Variants in PKIA observed in about 807,000 individuals in gnomAD.
PKIA encodes the protein PKI-alpha.
In PKIA, 4 loss-of-function variants were observed where a neutral mutation model predicts 7.6. The ratio of observed to expected loss-of-function variants is 0.52; its 90% confidence interval spans 0.26 to 1.20. The LOEUF (loss-of-function observed/expected upper bound fraction) is 1.20. Ranked by LOEUF, PKIA falls within the 50% of genes most tolerant of loss-of-function variation. The pLI is 0.13. For missense variants in PKIA, 73 were observed against 86.2 expected (o/e 0.85, Z 0.61); for synonymous variants, 21 against 30.7 (o/e 0.68, Z 1.04).
chr8:78,558,246 A>C (rs886142354), intron 1 of PKIA, among the ~76,000 whole-genome samples: 5 of 152,182 alleles, frequency 3.3e-5, no homozygotes, highest in African/African-American at 9.7e-5. Context: ...AGGCATAGAG[A>C]GGTCCAAGTA....
intron 3 of PKIA, among the ~76,000 whole-genome samples, chr8:78,599,703 C>A (rs1808309932): frequency 6.6e-6 from 1 of 151,948 alleles, no homozygotes; most frequent in Admixed American, 6.6e-5. Flanking sequence ...GGGAATTATT[C>A]CAATTTCATA....
intron 1 of PKIA, among the ~76,000 whole-genome samples, chr8:78,530,115 T>C (rs1806357064): frequency 6.6e-6 from 1 of 152,056 alleles, no homozygotes; most frequent in Admixed American, 6.6e-5. Context: ...ATTATATTTT[T>C]AAATTATCAC....
intron 1 of PKIA, among the ~76,000 whole-genome samples, chr8:78,545,853 A>C (rs931957472): frequency 6.6e-6 from 1 of 152,172 alleles, no homozygotes; most frequent in African/African-American, 2.4e-5. Context: ...TTCCTTGGAA[A>C]GGGCATGTTT....
intron 1 of PKIA, among the ~76,000 whole-genome samples, chr8:78,560,577 T>C (rs997697856): frequency 2.0e-5 from 3 of 152,196 alleles, no homozygotes; most frequent in African/African-American, 7.2e-5. Flanking sequence ...TGAATATTAC[T>C]AATATTGGGA....
chr8:78,589,034 C>T (rs1047984204), intron 2 of PKIA, among the ~76,000 whole-genome samples: 1 of 151,982 alleles, frequency 6.6e-6, no homozygotes, highest in Non-Finnish European at 1.5e-5. Context: ...ATTGTAACTC[C>T]AGAAGCAAGA....
chr8:78,519,179 T>TA (rs368638245), intron 1 of PKIA, among the ~76,000 whole-genome samples: 8,309 of 134,912 alleles, frequency 0.062, 617 homozygotes, highest in African/African-American at 0.18. Flanking sequence ...TCCAATTGTG[T>TA]AAAAAAAAAA....
In PKIA at chr8:78,552,799, G is replaced by C. The variant is rs186388795; in HGVS notation, c.-156-20012G>C. Among the ~76,000 whole-genome samples, 460 of 151,940 alleles carry C rather than the reference G, an allele frequency of 3.0e-3. 1 individual carries two copies. Among genetic ancestry groups the C allele is most frequent in the Non-Finnish European group, 4.8e-3 (324 of 67,858 alleles). ...CATAGAATAAATAATGATACTTTTAGTCTTTATATAATTTAAGGCACTTAA... is the reference window on the plus strand; with the variant it reads ...CATAGAATAAATAATGATACTTTTACTCTTTATATAATTTAAGGCACTTAA... On this transcript the variant is annotated intron_variant, in intron 1 of 3. Coordinates refer to ENST00000396418, the MANE Select transcript of PKIA (RefSeq NM_006823.4).
At chr8:78,583,202 T>G (rs909641038) in intron 2 of PKIA, among the ~76,000 whole-genome samples, 13 of 152,166 alleles carry the variant, frequency 8.5e-5, no homozygotes, top group Non-Finnish European at 4.4e-5. Context: ...ACACAGACAC[T>G]AAAGTCAGCA....
At chr8:78,596,005 T>A (rs1424934958) in intron 2 of PKIA, among the ~76,000 whole-genome samples, 3 of 152,208 alleles carry the variant, frequency 2.0e-5, no homozygotes, top group Non-Finnish European at 4.4e-5. Context: ...AAGTGTTCCC[T>A]TTTCTCTGCA....
At chr8:78,580,411 C>T (rs997668190) in intron 2 of PKIA, among the ~76,000 whole-genome samples, 3 of 151,954 alleles carry the variant, frequency 2.0e-5, no homozygotes, top group African/African-American at 7.2e-5. Flanking sequence ...TTGTCCTTTC[C>T]CTTCTTAAAC....
intron 2 of PKIA, chr8:78,591,375 TTGTG>T (rs1428485118): frequency 6.6e-6 from 1 of 152,572 alleles, no homozygotes; most frequent in Non-Finnish European, 1.5e-5. Flanking sequence ...CTCAAATAAT[TTGTG>T]TGTATGGAAT....
intron 1 of PKIA, among the ~76,000 whole-genome samples, chr8:78,520,108 T>C (rs1809388791): frequency 6.6e-6 from 1 of 152,190 alleles, no homozygotes; most frequent in African/African-American, 2.4e-5. Context: ...ATATGTATTA[T>C]AGGTGTTCAG....
chr8:78,524,204 A>ATATATATAAACATTTATATT (rs1809496014), intron 1 of PKIA, among the ~76,000 whole-genome samples: 1 of 107,938 alleles, frequency 9.3e-6, no homozygotes, highest in Non-Finnish European at 1.9e-5. Context: ...ATTTATATTT[A>ATATATATAAACATTTATATT]TATATATATA....
intron 1 of PKIA, among the ~76,000 whole-genome samples, chr8:78,538,611 T>C (rs1243083902): frequency 6.6e-6 from 1 of 151,998 alleles, no homozygotes; most frequent in Non-Finnish European, 1.5e-5. Context: ...TAGATCCTGA[T>C]GAAACTCTTC....
At position 78,605,167 on chromosome 8, in the gene PKIA, A is replaced by G. The variant is rs2130310137; in HGVS notation, c.*3346A>G. The G allele has an allele frequency of 6.6e-6, 1 of 152,112 alleles. No individual in the cohort carries two copies. The highest frequency in any genetic ancestry group is 2.1e-4 in the South Asian group (1 of 4,834). The allele number at this position is 152,112 out of a possible 1,614,324, so 9.4% of individuals were successfully genotyped here. On this transcript the variant is annotated 3_prime_UTR_variant, in exon 4 of 4. Coordinates refer to ENST00000396418, the MANE Select transcript of PKIA (RefSeq NM_006823.4). ...ATTGTTCTTTAATTACAAGAGTGGC[A>G]GTCTCTGAAGTCATTTGTGAGCTTG...
At chr8:78,556,347 T>C (rs1232797207) in intron 1 of PKIA, among the ~76,000 whole-genome samples, 2 of 152,206 alleles carry the variant, frequency 1.3e-5, no homozygotes, top group South Asian at 2.1e-4. Flanking sequence ...AATTAGTATT[T>C]AGTAGTAGTT....
At chr8:78,563,635 T>A (rs1032617222) in intron 1 of PKIA, among the ~76,000 whole-genome samples, 2 of 152,066 alleles carry the variant, frequency 1.3e-5, no homozygotes, top group African/African-American at 4.8e-5. Flanking sequence ...ACCGGTGTCC[T>A]TCATAAGTGA....
intron 1 of PKIA, among the ~76,000 whole-genome samples, chr8:78,569,887 G>A (rs1807506079): frequency 6.6e-6 from 1 of 152,116 alleles, no homozygotes; most frequent in African/African-American, 2.4e-5. Flanking sequence ...AGGCTCAAGA[G>A]TAGAGTGGAG....
chr8:78,593,133 G>A (rs951981472), intron 2 of PKIA, among the ~76,000 whole-genome samples: 2 of 152,046 alleles, frequency 1.3e-5, no homozygotes, highest in Non-Finnish European at 2.9e-5. Context: ...AAGCCTGTTT[G>A]TTTGTTTGAC....
Sources: gnomAD v4.1 joint callset for allele counts (sites outside exome capture counted in the v4.1 genomes callset) on GRCh38, gnomAD v4.1.1 for gene constraint, MANE v1.5 for transcripts, NCBI Gene and HGNC (gene_info 2026-07-23, HGNC 2026-07-21) for gene names.